MOK: variants seen among roughly 807,000 people sequenced by gnomAD.
MOK encodes MOK protein kinase.
Under a neutral mutation model 54.2 loss-of-function variants are expected in MOK, and 59 were observed. That is an observed-to-expected ratio of 1.09 (90% confidence interval 0.88 to 1.35). The LOEUF is 1.35. MOK is among the 40% of genes most tolerant of loss of function. The pLI, the probability that MOK is intolerant of heterozygous loss-of-function variation, is 0.00. For synonymous variants in MOK, 210 were observed against 202.7 expected (o/e 1.04, Z -0.31); for missense variants, 517 against 526.2 (o/e 0.98, Z 0.17).
rs2065151167 is a variant in MOK at position 102,235,603 on chromosome 14, C to G, written c.591-1814G>C. 2 of 152,212 alleles carry G rather than the reference C, an allele frequency of 1.3e-5. No individual in the cohort carries two copies. The highest frequency in any genetic ancestry group is 6.5e-5 in the Admixed American group (1 of 15,278). The allele number at this position is 152,212 out of a possible 1,614,324, so 9.4% of individuals were successfully genotyped here. ...CACTGCAGGCCTTAACAAAACTGCC[C>G]ATAAGGCTGTAAATTTCGAAAAACT... is the stretch of plus-strand genomic sequence containing the variant. On this transcript the variant is annotated intron_variant, in intron 7 of 11. Coordinates refer to ENST00000361847, the MANE Select transcript of MOK (RefSeq NM_014226.3). The surrounding 1 kb of genome is among the most constrained non-coding windows in gnomAD (Gnocchi z 4.4).
Position 102,232,689 on chromosome 14 carries a change from C to A in MOK, c.712G>T (p.Asp238Tyr). ...KFKQSRAMNF[D>Y]FPFKKGSGIP... ...CCTGATCCCTTTTTAAAAGGAAAAT[C>A]AAAATTCATAGCTCTCGACCTGTAT... is the stretch of plus-strand genomic sequence containing the variant. Residue 238 changes from aspartate to tyrosine, a missense_variant, in exon 9 of 12, where the codon GAT (aspartate) becomes TAT (tyrosine). By Grantham distance (160) the Asp-to-Tyr change is radical. Transcript: ENST00000361847. This position sits in a 1 kb window ranked among gnomAD's most constrained non-coding sequence, Gnocchi z 5.1. 6.2e-7 allele frequency: 1 copy of A among 1,613,650 alleles called. No individual in the cohort carries two copies. The highest frequency in any genetic ancestry group is 8.5e-7 in the Non-Finnish European group (1 of 1,179,738).
downstream of MOK, chr14:102,222,786 C>T (rs776683005): frequency 1.6e-5 from 25 of 1,612,220 alleles, no homozygotes; most frequent in Admixed American, 3.3e-5. The surrounding 1 kb of genome is among the most constrained non-coding windows in gnomAD (Gnocchi z 4.4). Flanking sequence ...GGCTGTTGCC[C>T]GTCCGGTGTT....
chr14:102,250,914 G>A lies in MOK; in HGVS notation c.488C>T (p.Ser163Phe), dbSNP rs1287624455. The A allele has an allele frequency of 4.3e-6, 7 of 1,614,028 alleles. No homozygotes were observed. In the African/African-American group the frequency reaches 8.0e-5, roughly 18 times the overall value. Residue 163 changes from serine to phenylalanine, a missense_variant, in exon 7 of 12, where the codon TCC (serine) becomes TTC (phenylalanine). Physicochemically the swap from Ser to Phe is radical, Grantham distance 155. Transcript: ENST00000361847. ...CTCCGGGGCCCGGTACCAGCGGGTG[G>A]AGATGTATTCCGTGTACGGCTGCTT... ...YSKQPYTEYI[S>F]TRWYRAPECL...
In MOK at chr14:102,249,162, T is replaced by C. The variant is rs193141765; in HGVS notation, c.590+1650A>G. On this transcript the variant is annotated intron_variant, in intron 7 of 11. Transcript: ENST00000361847. The surrounding 1 kb of genome is among the most constrained non-coding windows in gnomAD (Gnocchi z 5.3). ...TGACCTTTTGTTTCCACTTTACCAA[T>C]AGGTCCGACATGTGTTTTCTAAGAG... Among the ~76,000 whole-genome samples the C allele has an allele frequency of 3.3e-3, 500 of 152,288 alleles. 5 individuals are homozygous for C. Among genetic ancestry groups the C allele is most frequent in the African/African-American group, 0.012 (486 of 41,550 alleles).
At chr14:102,275,457 G>A (rs957234570) in intron 2 of MOK, among the ~76,000 whole-genome samples, 3 of 151,544 alleles carry the variant, frequency 2.0e-5, no homozygotes, top group Non-Finnish European at 2.9e-5. Context: ...CCAGCTACTC[G>A]GGAGGCTGAG....
rs1449863124 is a variant in MOK, at chr14:102,251,959, T to C, written c.320A>G (p.His107Arg). Reference protein sequence around the residue: ...RYPLSEKKIMHYMYQLCKSLD... With the variant: ...RYPLSEKKIMRYMYQLCKSLD... Reference sequence around the variant, plus strand: ...GGACTTACATAACTGGTACATATAGTGCATAATTTTTTTTTCTGATAATGG... The same window carrying C: ...GGACTTACATAACTGGTACATATAGCGCATAATTTTTTTTTCTGATAATGG... The change falls in exon 5 of 12, where the codon CAC becomes CGC. Residue 107 changes from histidine (H) to arginine (R), a missense_variant. Coordinates refer to ENST00000361847, the MANE Select transcript of MOK (RefSeq NM_014226.3). The C allele has an allele frequency of 2.5e-6, 4 of 1,607,312 alleles. No homozygotes were observed. Among genetic ancestry groups the C allele is most frequent in the African/African-American group, 2.7e-5 (2 of 74,738 alleles).
chr14:102,287,387 A>C (rs2153177576), intron 1 of MOK, among the ~76,000 whole-genome samples: 1 of 152,316 alleles, frequency 6.6e-6, no homozygotes, highest in East Asian at 1.9e-4. Context: ...GCAGATCACG[A>C]GGTCAGGAGT....
At chr14:102,298,464 G>A (rs1052763559) in intron 1 of MOK, among the ~76,000 whole-genome samples, 2 of 151,960 alleles carry the variant, frequency 1.3e-5, no homozygotes, top group African/African-American at 4.8e-5. Context: ...TCAGCACCCT[G>A]TATCTAGCTC....
At chr14:102,283,369 T>A in intron 2 of MOK, 109 bp downstream of exon 2, 2 of 656,038 alleles carry the variant, frequency 3.0e-6, no homozygotes, top group Non-Finnish European at 5.1e-6. Context: ...GAAATCTGAT[T>A]GTATCTTACA....
At chr14:102,241,968 T>TCCAGGAC (rs1269598563) in intron 7 of MOK, among the ~76,000 whole-genome samples, 1 of 152,160 alleles carries the variant, frequency 6.6e-6, no homozygotes, top group Non-Finnish European at 1.5e-5. Flanking sequence ...CTAAGCCATG[T>TCCAGGAC]CCCATCTGTG....
rs10598736 is a variant in MOK, at chr14:102,293,701, CAAAAAAA to C, written c.8-10116_8-10110del. Among the ~76,000 whole-genome samples the C allele has an allele frequency of 7.3e-3, 396 of 54,592 alleles. 1 individual carries two copies. The highest frequency in any genetic ancestry group is 0.062 in the East Asian group (63 of 1,022). The allele number at this position is 54,592 out of a possible 152,430, so 35.8% of individuals were successfully genotyped here. A position where few individuals can be genotyped will look rare whatever the true frequency, so the allele number is the denominator to read the frequency against. ...GGGCAACAAGAGCGAAACTCCATCA[CAAAAAAA>C]AAAAAAAAAAAAAAAAAAGAAAAGA... On this transcript the variant is annotated intron_variant, in intron 1 of 11. Coordinates refer to ENST00000361847, the MANE Select transcript of MOK (RefSeq NM_014226.3).
In MOK at chr14:102,293,700, A is replaced by AC. The variant is rs201963321; in HGVS notation, c.8-10109dup. Among the ~76,000 whole-genome samples the AC allele has an allele frequency of 3.1e-3, 352 of 115,072 alleles. 22 individuals are homozygous for AC. Among genetic ancestry groups the AC allele is most frequent in the Middle Eastern group, 0.023 (5 of 218 alleles). The allele number at this position is 115,072 out of a possible 152,430, so 75.5% of individuals were successfully genotyped here. On this transcript the variant is annotated intron_variant, in intron 1 of 11. Coordinates refer to ENST00000361847, the MANE Select transcript of MOK (RefSeq NM_014226.3). ...TGGGCAACAAGAGCGAAACTCCATC[A>AC]CAAAAAAAAAAAAAAAAAAAAAAAA...
downstream of MOK, among the ~76,000 whole-genome samples, chr14:102,224,087 G>A (rs2064150735): frequency 2.0e-5 from 3 of 146,708 alleles, no homozygotes; most frequent in Admixed American, 7.0e-5. Flanking sequence ...TGTTGTCCAG[G>A]CTGGAGTGCA....
intron 1 of MOK, among the ~76,000 whole-genome samples, chr14:102,291,124 C>G (rs1032002839): frequency 6.6e-6 from 1 of 152,162 alleles, no homozygotes; most frequent in African/African-American, 2.4e-5. Context: ...GAGTGAGCCC[C>G]GCTGAGGCTT....
At chr14:102,228,058 C>T (rs2153078303), downstream of MOK, among the ~76,000 whole-genome samples, 1 of 152,356 alleles carries the variant, frequency 6.6e-6, no homozygotes, top group South Asian at 2.1e-4. Flanking sequence ...TGCCCAGCAG[C>T]CCGGCCAGTG....
downstream of MOK, among the ~76,000 whole-genome samples, chr14:102,227,700 GCA>G (rs2064309268): frequency 6.6e-6 from 1 of 152,074 alleles, no homozygotes; most frequent in African/African-American, 2.4e-5. Context: ...CCCATGTGGT[GCA>G]GAGTGGGCAC....
At chr14:102,255,893 TAAG>T (rs1414597700) in intron 4 of MOK, among the ~76,000 whole-genome samples, 1 of 152,104 alleles carries the variant, frequency 6.6e-6, no homozygotes, top group Non-Finnish European at 1.5e-5. Flanking sequence ...ATATTCTCAT[TAAG>T]AAGGAATGTC....
At position 102,236,610 on chromosome 14, in the gene MOK, C is replaced by A. The variant is rs1299575812; in HGVS notation, c.591-2821G>T. ...CCGGAGTCCCTCCTACTCCTCTATGCGAGTCCAGCCCCTGACCCCTCTCCC... is the reference window on the plus strand; with the variant it reads ...CCGGAGTCCCTCCTACTCCTCTATGAGAGTCCAGCCCCTGACCCCTCTCCC... On this transcript the variant is annotated intron_variant, in intron 7 of 11. Coordinates refer to ENST00000361847, the MANE Select transcript of MOK (RefSeq NM_014226.3). This position sits in a 1 kb window ranked among gnomAD's most constrained non-coding sequence, Gnocchi z 4.5. Among the ~76,000 whole-genome samples the A allele has an allele frequency of 1.3e-5, 2 of 152,152 alleles. No individual in the cohort carries two copies. The highest frequency in any genetic ancestry group is 2.9e-5 in the Non-Finnish European group (2 of 68,030).
intron 4 of MOK, among the ~76,000 whole-genome samples, chr14:102,254,951 T>C (rs1454932017): frequency 6.6e-6 from 1 of 152,202 alleles, no homozygotes; most frequent in Non-Finnish European, 1.5e-5. Flanking sequence ...AAATTGTCAT[T>C]AGAGTCATCT....
Sources: allele counts gnomAD v4.1 joint callset (sites outside exome capture counted in the v4.1 genomes callset), GRCh38; gene constraint gnomAD v4.1.1; non-coding constraint Gnocchi (gnomAD v3.1); transcripts MANE v1.5; gene names NCBI Gene and HGNC (gene_info 2026-07-23, HGNC 2026-07-21).